The following FTSJ1 variants were observed in gnomAD, a reference collection of about 807,000 sequenced individuals.
FTSJ1 encodes the protein tRNA (cytidine(32)/guanosine(34)-2'-O)-methyltransferase.
A neutral mutation model predicts 28.5 loss-of-function variants in FTSJ1; 3 were observed. The ratio of observed to expected loss-of-function variants is 0.11; its 90% confidence interval spans 0.05 to 0.27. FTSJ1 has a LOEUF of 0.27. Ranked by LOEUF, FTSJ1 falls within the 10% of genes least tolerant of loss-of-function variation. The probability of loss-of-function intolerance (pLI) is 1.00; values close to 1 mark genes in which losing one functional copy is unlikely to be tolerated. For synonymous variants in FTSJ1, 104 were observed against 113.9 expected (o/e 0.91, Z 0.55); for missense variants, 162 against 279.0 (o/e 0.58, Z 2.99).
rs782007645 is a variant in FTSJ1 at position 48,478,122 on chromosome X, C to T, written c.75C>T (p.Ser25=). ...AGGAGAATGGCTGGCGTGCTCGCAGCGCCTTCAAACTGCTACAACTGGATA... is the reference window on the plus strand; with the variant it reads ...AGGAGAATGGCTGGCGTGCTCGCAGTGCCTTCAAACTGCTACAACTGGATA... ...LAKENGWRAR[S]AFKLLQLDKE... The change falls in exon 2 of 13, where the codon AGC becomes AGT. Residue 25 remains serine (S), a synonymous_variant. Transcript: ENST00000348411. 37 of 1,208,423 alleles carry T rather than the reference C, an allele frequency of 3.1e-5. No individual in the cohort carries two copies. The Admixed American group carries it at 5.0e-4, about 16-fold the overall frequency.
Position 48,481,362 on chromosome X carries a change from G to A in FTSJ1, c.468+20G>A. The A allele has an allele frequency of 1.7e-6, 2 of 1,204,481 alleles. No individual in the cohort carries two copies. The highest frequency in any genetic ancestry group is 2.2e-6 in the Non-Finnish European group (2 of 889,130). ...GCCAAGGTAAGTCTCAAGGAACTTG[G>A]TGGAGTAGAGGGAGGTCGCTGAGGG... is the stretch of plus-strand genomic sequence containing the variant. On this transcript the variant is annotated intron_variant, in intron 7 of 12. Transcript: ENST00000348411.
rs1416623504 is a variant in FTSJ1, at chrX:48,479,999, C to G, written c.361+883C>G. 2.7e-5 allele frequency among the ~76,000 whole-genome samples: 3 copies of G among 111,425 alleles called. No homozygotes were observed. In the East Asian group the frequency reaches 8.4e-4, roughly 31 times the overall value. ...TCTCTACTAAAAATACAAAAATTAGCCAGGTGTGGTGGCATGTGCCTGTAA... is the reference window on the plus strand; with the variant it reads ...TCTCTACTAAAAATACAAAAATTAGGCAGGTGTGGTGGCATGTGCCTGTAA... On this transcript the variant is annotated intron_variant, in intron 5 of 12. Transcript: ENST00000348411.
chrX:48,485,520 T>C (rs1206829922), intron 12 of FTSJ1, among the ~76,000 whole-genome samples: 6 of 110,131 alleles, frequency 5.4e-5, no homozygotes, highest in Admixed American at 2.0e-4. Flanking sequence ...GTCACAAAAA[T>C]GTTAGCAGCA....
rs782470986 is a variant in FTSJ1, at chrX:48,478,305, A to T, written c.121+137A>T. On this transcript the variant is annotated intron_variant, in intron 2 of 12. Transcript: ENST00000348411. ...GGGGCAGGGAGACAGGCAGGAAGATAGGCAGAATACCGGAGAGGAGTTGGG... is the reference window on the plus strand; with the variant it reads ...GGGGCAGGGAGACAGGCAGGAAGATTGGCAGAATACCGGAGAGGAGTTGGG... The T allele has an allele frequency of 1.4e-3, 1,203 of 835,108 alleles. 1 individual carries two copies. Among genetic ancestry groups the T allele is most frequent in the Non-Finnish European group, 1.9e-3 (1,097 of 570,909 alleles). The allele number at this position is 835,108 out of a possible 1,213,427, so 68.8% of individuals were successfully genotyped here.
chrX:48,477,938 G>A (rs911830385), intron 1 of FTSJ1, 23 bp from the exon 2 acceptor site: 4 of 1,109,212 alleles, frequency 3.6e-6, no homozygotes, highest in Admixed American at 4.7e-5. Context: ...AGTTTAGTTT[G>A]TGTGGTTCTC....
At chrX:48,484,274 G>C (rs2061588242) in intron 12 of FTSJ1, among the ~76,000 whole-genome samples, 2 of 111,084 alleles carry the variant, frequency 1.8e-5, no homozygotes, top group African/African-American at 6.6e-5. Context: ...TTGCCATGTT[G>C]ACCAGACTGG....
At position 48,478,620 on chromosome X, in the gene FTSJ1, C is replaced by T. The variant is rs377639641; in HGVS notation, c.195C>T (p.Gly65=). ...ATGTGGGCCATGTTGTCCACAGGGG[C>T]CAAGGGTCCGGCCACGTGGTGGCTG... is the stretch of plus-strand genomic sequence containing the variant. The part of the protein sequence containing the change: ...WSQVLSQKIG[G]QGSGHVVAVD... Residue 65 remains glycine, a synonymous_variant, in exon 4 of 13, where the codon GGC becomes GGT. Transcript: ENST00000348411. 1 of 1,207,801 alleles carries T rather than the reference C, an allele frequency of 8.3e-7. No individual in the cohort carries two copies. The highest frequency in any genetic ancestry group is 1.1e-6 in the Non-Finnish European group (1 of 892,617).
In FTSJ1 at chrX:48,478,644, T is replaced by C. The variant is rs143446813; in HGVS notation, c.219T>C (p.Ala73=). Residue 73 remains alanine (A), a synonymous_variant, in exon 4 of 13, where the codon GCT becomes GCC. Transcript: ENST00000348411. ...IGGQGSGHVV[A]VDLQAMAPLP... is the part of the protein sequence containing the mutation. Reference sequence around the variant, plus strand: ...GCCAAGGGTCCGGCCACGTGGTGGCTGTGGACCTGCAGGCTATGGCTCCAC... The same window carrying C: ...GCCAAGGGTCCGGCCACGTGGTGGCCGTGGACCTGCAGGCTATGGCTCCAC... 3.6e-5 allele frequency: 43 copies of C among 1,207,487 alleles called. No homozygotes were observed. Among genetic ancestry groups the C allele is most frequent in the Non-Finnish European group, 4.6e-5 (41 of 893,259 alleles).
intron 2 of FTSJ1, 108 bp from the exon 3 acceptor site, chrX:48,478,341 A>G (rs1427836291): frequency 2.3e-6 from 2 of 865,916 alleles, no homozygotes; most frequent in Non-Finnish European, 3.4e-6. Context: ...CACCTGGGCA[A>G]TGGAGATATG....
At position 48,478,724 on chromosome X, in the gene FTSJ1, G is replaced by A. The variant is rs782811937; in HGVS notation, c.282+17G>A. 8 of 1,109,840 alleles carry A rather than the reference G, an allele frequency of 7.2e-6. No homozygotes were observed. The South Asian group carries it at 1.1e-4, about 16-fold the overall frequency. The allele number at this position is 1,109,840 out of a possible 1,213,427, so 91.5% of individuals were successfully genotyped here. On this transcript the variant is annotated intron_variant, in intron 4 of 12. Transcript: ENST00000348411. ...ATCACCCAGGTAAGAGCATGGCTGA[G>A]GGTGTTGGGGTATATCCTGGGTGAA...
At chrX:48,477,904 C>T (rs1247188605) in intron 1 of FTSJ1, 57 bp from the exon 2 acceptor site, 2 of 874,922 alleles carry the variant, frequency 2.3e-6, no homozygotes, top group African/African-American at 4.0e-5. Flanking sequence ...TCTGTGTGAG[C>T]TGTCATGTGG....
chrX:48,478,796 G>T (rs2061549916), intron 4 of FTSJ1, 89 bp downstream of exon 4: 1 of 647,902 alleles, frequency 1.5e-6, no homozygotes, highest in Non-Finnish European at 2.5e-6. Flanking sequence ...ACAGAGAGGT[G>T]ATAGAAACAG....
chrX:48,478,563 G>C (rs2147090575), intron 3 of FTSJ1, 45 bp downstream of exon 3: 1 of 1,190,267 alleles, frequency 8.4e-7, no homozygotes, highest in African/African-American at 1.8e-5. Context: ...GGGCCGGCTG[G>C]GTGGGAGGGG....
At chrX:48,477,126 G>T (rs570718862) in intron 1 of FTSJ1, among the ~76,000 whole-genome samples, 2 of 111,078 alleles carry the variant, frequency 1.8e-5, no homozygotes, top group East Asian at 5.7e-4. Flanking sequence ...ACTAGGGTTG[G>T]GGGGGTTAAC....
chrX:48,479,776 G>A (rs1490923766), intron 5 of FTSJ1, among the ~76,000 whole-genome samples: 1 of 111,866 alleles, frequency 8.9e-6, no homozygotes, highest in Non-Finnish European at 1.9e-5. Flanking sequence ...CCAAGAGGTC[G>A]AGGTTACAGT....
At chrX:48,482,245 G>A (rs1313098318) in intron 9 of FTSJ1, among the ~76,000 whole-genome samples, 158 bp from the exon 10 acceptor site, 1 of 111,700 alleles carries the variant, frequency 9.0e-6, no homozygotes, top group Non-Finnish European at 1.9e-5. Context: ...GGGCCTCCCC[G>A]AGGAGGTGAT....
intron 5 of FTSJ1, 32 bp from the exon 6 acceptor site, chrX:48,481,119 G>C (rs1339641114): frequency 9.4e-6 from 11 of 1,174,620 alleles, no homozygotes; most frequent in Admixed American, 2.2e-5. Flanking sequence ...GAGCCAGATG[G>C]GACCCCCCTA....
intron 5 of FTSJ1, among the ~76,000 whole-genome samples, chrX:48,480,242 G>T (rs5953241): frequency 0.1 from 11,420 of 110,832 alleles, 1,447 homozygotes; most frequent in African/African-American, 0.35. Context: ...AAGTGGATGG[G>T]GAAGGCCTCA....
chrX:48,484,787 A>G (rs1472644560), intron 12 of FTSJ1, among the ~76,000 whole-genome samples: 4 of 112,498 alleles, frequency 3.6e-5, no homozygotes, highest in African/African-American at 9.7e-5. Flanking sequence ...CAATAAGGAA[A>G]AACATGAGAG....
Sources: allele counts gnomAD v4.1 joint callset (sites outside exome capture counted in the v4.1 genomes callset), GRCh38; gene constraint gnomAD v4.1.1; transcripts MANE v1.5; gene names NCBI Gene and HGNC (gene_info 2026-07-23, HGNC 2026-07-21).